The following ZFAT variants were observed in gnomAD, a reference collection of about 807,000 sequenced individuals.
The protein encoded by ZFAT is zinc finger protein ZFAT.
A neutral mutation model predicts 117.7 loss-of-function variants in ZFAT; 64 were observed. That is an observed-to-expected ratio of 0.54 (90% confidence interval 0.44 to 0.67). ZFAT has a LOEUF of 0.67. Ranked by LOEUF, ZFAT falls within the 30% of genes least tolerant of loss-of-function variation. The probability of loss-of-function intolerance (pLI) is 0.00; values close to 1 mark genes in which losing one functional copy is unlikely to be tolerated. For synonymous variants in ZFAT, 679 were observed against 615.0 expected (o/e 1.10, Z -1.54); for missense variants, 1,433 against 1,584.5 (o/e 0.90, Z 1.62).
the ZFAT span, among the ~76,000 whole-genome samples, chr8:134,783,027 A>G: frequency 6.6e-6 from 1 of 152,166 alleles, no homozygotes; most frequent in South Asian, 2.1e-4. Context: ...TATGTTGAAA[A>G]TAAAAACCTT....
chr8:134,669,074 C>T (rs924058193), intron 1 of ZFAT, among the ~76,000 whole-genome samples: 9 of 152,120 alleles, frequency 5.9e-5, no homozygotes, highest in Non-Finnish European at 1.3e-4. Context: ...AAGAAATGAA[C>T]AAAGCCTCCA....
chr8:134,828,209 T>C, the ZFAT span, among the ~76,000 whole-genome samples: 548 of 152,316 alleles, frequency 3.6e-3, 5 homozygotes, highest in African/African-American at 0.013. Flanking sequence ...TTTTTACTCA[T>C]TTGTTCAATT....
At chr8:134,547,234 T>A (rs1469281538) in intron 11 of ZFAT, among the ~76,000 whole-genome samples, 1 of 152,228 alleles carries the variant, frequency 6.6e-6, no homozygotes, top group African/African-American at 2.4e-5. Context: ...GCTGGAGCAC[T>A]GATCACCAAA....
At chr8:134,765,796 A>G in the ZFAT span, 8 of 152,206 alleles carry the variant, frequency 5.3e-5, no homozygotes, top group Admixed American at 4.6e-4. Context: ...CTGCTTACTG[A>G]TTGAGCTTCA....
At chr8:134,709,937 CCTT>C (rs1200986939) in intron 1 of ZFAT, among the ~76,000 whole-genome samples, 6 of 152,340 alleles carry the variant, frequency 3.9e-5, no homozygotes, top group Middle Eastern at 3.4e-3. Flanking sequence ...AACTCCACCT[CCTT>C]ATCATTCATT....
At chr8:134,825,551 A>AC in the ZFAT span, among the ~76,000 whole-genome samples, 1 of 152,338 alleles carries the variant, frequency 6.6e-6, no homozygotes. Context: ...GAAAACAACA[A>AC]CCCTGGAGCA....
chr8:134,741,854 T>C, the ZFAT span, among the ~76,000 whole-genome samples: 7 of 151,314 alleles, frequency 4.6e-5, no homozygotes, highest in African/African-American at 1.5e-4. Flanking sequence ...CACCAGTCAC[T>C]TGAAAAAAAA....
chr8:134,782,936 T>C, the ZFAT span, among the ~76,000 whole-genome samples: 3 of 152,088 alleles, frequency 2.0e-5, no homozygotes, highest in South Asian at 6.2e-4. Context: ...AGCTTTAAGT[T>C]TGCGGACATC....
chr8:134,558,521 C>T (rs1208378659), intron 11 of ZFAT, among the ~76,000 whole-genome samples: 1 of 152,052 alleles, frequency 6.6e-6, no homozygotes, highest in East Asian at 1.9e-4. Flanking sequence ...TTCCGAACAA[C>T]AAGAAAAAAG....
rs745668449 is a variant in ZFAT at position 134,601,931 on chromosome 8, A to C, written c.1788T>G (p.Asp596Glu). The change falls in exon 6 of 16, where the codon GAT (aspartate) becomes GAG (glutamate). Residue 596 changes from aspartate to glutamate, a missense_variant. By Grantham distance (45) the Asp-to-Glu change is conservative. Around this residue, in one of 5 missense-constraint regions of ZFAT, gnomAD observed 372 missense variants for 355.6 expected, o/e 1.05. Coordinates refer to ENST00000377838, the MANE Select transcript of ZFAT (RefSeq NM_020863.4). ...DLHSQEVVSD[D>E]FLLKNDTSSA... ...AGGAGGTATCATTTTTCAACAAAAAATCATCTGAAACCACCTCTTGAGAAT... is the reference window on the plus strand; with the variant it reads ...AGGAGGTATCATTTTTCAACAAAAACTCATCTGAAACCACCTCTTGAGAAT... 3.1e-6 allele frequency: 5 copies of C among 1,613,992 alleles called. No homozygotes were observed. The highest frequency in any genetic ancestry group is 4.2e-6 in the Non-Finnish European group (5 of 1,180,024).
At chr8:134,666,282 A>T (rs1255108691) in intron 1 of ZFAT, among the ~76,000 whole-genome samples, 3 of 152,188 alleles carry the variant, frequency 2.0e-5, no homozygotes, top group African/African-American at 7.2e-5. Context: ...CATTGGCAGT[A>T]ACAAGGCAGT....
the ZFAT span, among the ~76,000 whole-genome samples, chr8:134,776,544 T>C: frequency 6.6e-6 from 1 of 152,194 alleles, no homozygotes; most frequent in Non-Finnish European, 1.5e-5. Context: ...TTGTTGTTGT[T>C]ATTTTTTAAA....
intron 15 of ZFAT, among the ~76,000 whole-genome samples, chr8:134,483,945 C>T (rs1291858013): frequency 6.6e-6 from 1 of 152,194 alleles, no homozygotes; most frequent in Non-Finnish European, 1.5e-5. Context: ...GCTCTGGCTG[C>T]CTCATTGTCT....
the ZFAT span, among the ~76,000 whole-genome samples, chr8:134,754,607 C>T: frequency 5.3e-5 from 8 of 152,220 alleles, no homozygotes; most frequent in Non-Finnish European, 1.0e-4. Context: ...TCTTGCCTGC[C>T]GTCAATTTTC....
the ZFAT span, among the ~76,000 whole-genome samples, chr8:134,819,509 G>GC: frequency 4.2e-5 from 1 of 23,628 alleles, no homozygotes; most frequent in Non-Finnish European, 9.2e-5. Flanking sequence ...CCCCCCCCCC[G>GC]CCCCCCAACA....
the ZFAT span, chr8:134,793,811 G>GC: frequency 6.6e-6 from 1 of 152,098 alleles, no homozygotes; most frequent in Non-Finnish European, 1.5e-5. Context: ...GAGACAGGTG[G>GC]CCCCATTTTA....
At chr8:134,783,867 A>C in the ZFAT span, 3 of 152,384 alleles carry the variant, frequency 2.0e-5, no homozygotes, top group East Asian at 5.8e-4. Context: ...GTCATTTATG[A>C]AATATTATCA....
intron 3 of ZFAT, among the ~76,000 whole-genome samples, chr8:134,624,378 G>T (rs527693731): frequency 1.3e-5 from 2 of 151,408 alleles, no homozygotes; most frequent in Admixed American, 1.3e-4. Flanking sequence ...TCCTGTGGCC[G>T]GGCATGGTGG....
chr8:134,760,071 G>C, the ZFAT span, among the ~76,000 whole-genome samples: 2 of 150,514 alleles, frequency 1.3e-5, no homozygotes, highest in Non-Finnish European at 3.0e-5. Context: ...ACAAGGTCAG[G>C]AGATTGAGAC....
Sources: allele counts gnomAD v4.1 joint callset (sites outside exome capture counted in the v4.1 genomes callset), GRCh38; gene constraint gnomAD v4.1.1; regional missense constraint gnomAD v4.1.1; transcripts MANE v1.5; gene names NCBI Gene and HGNC (gene_info 2026-07-23, HGNC 2026-07-21).